PCDHGA9: variants seen among roughly 807,000 people sequenced by gnomAD.
The protein encoded by PCDHGA9 is protocadherin gamma subfamily A, 9, also known as protocadherin gamma-A9.
Under a neutral mutation model 62.5 loss-of-function variants are expected in PCDHGA9, and 37 were observed. The ratio of observed to expected loss-of-function variants is 0.59; its 90% CI spans 0.46 to 0.78. The LOEUF is 0.78. Ranked by LOEUF, PCDHGA9 falls within the 30% of genes least tolerant of loss-of-function variation. PCDHGA9 has a pLI of 0.00. For missense variants in PCDHGA9, 1,138 were observed against 1,166.2 expected, an observed-to-expected ratio of 0.98 and a Z score of 0.35; for synonymous variants, 459 against 484.6, an observed-to-expected ratio of 0.95 and a Z score of 0.69.
At position 141,449,274 on chromosome 5, in the gene PCDHGA9, T is replaced by C. The variant is rs569352843; in HGVS notation, c.2424+43898T>C. 3.9e-5 allele frequency among the ~76,000 whole-genome samples: 6 copies of C among 152,260 alleles called. No individual in the cohort carries two copies. In the East Asian group the frequency reaches 1.2e-3, roughly 29 times the overall value. On this transcript the variant is annotated intron_variant, in intron 1 of 3. Transcript: ENST00000573521. ...GAATTGTACAAAGAACTGTATCTCC[T>C]TCACCCGGATGCACCGGGTGAATTA...
In PCDHGA9 at chr5:141,431,777, G is replaced by C. The variant is rs151011884; in HGVS notation, c.2424+26401G>C. 1.2e-6 allele frequency: 2 copies of C among 1,614,188 alleles called. No individual in the cohort carries two copies. The highest frequency in any genetic ancestry group is 4.5e-5 in the East Asian group (2 of 44,870). ...CAAAGTCCTGATCACTGTTCTGGAC[G>C]TGAACGACAATGCCCCAGAAGTGGT... On this transcript the variant is annotated intron_variant, in intron 1 of 3. Coordinates refer to ENST00000573521, the MANE Select transcript of PCDHGA9 (RefSeq NM_018921.3). The surrounding 1 kb of genome is among the most constrained non-coding windows in gnomAD (Gnocchi z 4.8).
At chr5:141,418,802 T>G (rs775155011) in intron 1 of PCDHGA9, 1 of 1,613,862 alleles carries the variant, frequency 6.2e-7, no homozygotes, top group Non-Finnish European at 8.5e-7. Flanking sequence ...AGTAGAAAGA[T>G]ATACGATAAA....
intron 2 of PCDHGA9, among the ~76,000 whole-genome samples, chr5:141,496,775 GCAGGGCC>G (rs1025427712): frequency 6.6e-6 from 1 of 152,038 alleles, no homozygotes; most frequent in Non-Finnish European, 1.5e-5. Flanking sequence ...TCTACTATGA[GCAGGGCC>G]CTGTGCTAAA....
chr5:141,486,287 A>G lies in PCDHGA9; in HGVS notation c.2425-8520A>G, dbSNP rs1484787777. Reference sequence around the variant, plus strand: ...AGAACCTGGCACTGTGGTGGCACTTATCAGTGTGCAGGATCCAGACTCAGG... The same window carrying G: ...AGAACCTGGCACTGTGGTGGCACTTGTCAGTGTGCAGGATCCAGACTCAGG... On this transcript the variant is annotated intron_variant, in intron 1 of 3. Transcript: ENST00000573521. The surrounding 1 kb of genome is among the most constrained non-coding windows in gnomAD (Gnocchi z 5.0). 1 of 1,613,912 alleles carries G rather than the reference A, an allele frequency of 6.2e-7. No homozygotes were observed. The highest frequency in any genetic ancestry group is 8.5e-7 in the Non-Finnish European group (1 of 1,179,970).
At chr5:141,436,849 T>C (rs1007573014) in intron 1 of PCDHGA9, among the ~76,000 whole-genome samples, 11 of 152,256 alleles carry the variant, frequency 7.2e-5, no homozygotes, top group African/African-American at 2.7e-4. Context: ...ACATTCTTGA[T>C]TGAGAAGCCA....
chr5:141,497,495 T>C (rs193075970), intron 2 of PCDHGA9, among the ~76,000 whole-genome samples: 28 of 151,186 alleles, frequency 1.9e-4, no homozygotes, highest in Admixed American at 1.7e-3. Context: ...TCTCTCTCTC[T>C]CCTCTCTCTG....
At chr5:141,431,000 A>G (rs1272572092) in intron 1 of PCDHGA9, 4 of 1,613,898 alleles carry the variant, frequency 2.5e-6, no homozygotes, top group African/African-American at 1.3e-5. Flanking sequence ...GAATCCGCGC[A>G]GCGGCAGCTT....
At chr5:141,420,713 G>T (rs1406572601) in intron 1 of PCDHGA9, among the ~76,000 whole-genome samples, 1 of 152,078 alleles carries the variant, frequency 6.6e-6, no homozygotes, top group African/African-American at 2.4e-5. Flanking sequence ...CAGAAATGTC[G>T]TTCCTTTCAG....
intron 1 of PCDHGA9, among the ~76,000 whole-genome samples, chr5:141,445,441 C>G (rs1201825256): frequency 6.6e-6 from 1 of 152,152 alleles, no homozygotes; most frequent in East Asian, 1.9e-4. Context: ...GACCTATGGA[C>G]TAAGGATGCA....
Position 141,477,426 on chromosome 5 carries a change from T to G in PCDHGA9, c.2425-17381T>G. 1 of 1,614,100 alleles carries G rather than the reference T, an allele frequency of 6.2e-7. No individual in the cohort carries two copies. Among genetic ancestry groups the G allele is most frequent in the East Asian group, 2.2e-5 (1 of 44,874 alleles). The stretch of plus-strand genomic sequence containing the variant: ...GCCCGAGACGCCGGAACCCCTTCCC[T>G]CTCAGCCCTTACAATAGTGCGTGTT... On this transcript the variant is annotated intron_variant, in intron 1 of 3. Coordinates refer to ENST00000573521, the MANE Select transcript of PCDHGA9 (RefSeq NM_018921.3). The surrounding 1 kb of genome is among the most constrained non-coding windows in gnomAD (Gnocchi z 4.9).
Position 141,489,805 on chromosome 5 carries a change from A to T in PCDHGA9, c.2425-5002A>T. On this transcript the variant is annotated intron_variant, in intron 1 of 3. Transcript: ENST00000573521. The surrounding 1 kb of genome is among the most constrained non-coding windows in gnomAD (Gnocchi z 4.5). ...GAATGTGAAGACCCTAAAAGATGGG[A>T]AGCCATTCCCAGAGCTGGTGCTAGA... 1 of 1,614,166 alleles carries T rather than the reference A, an allele frequency of 6.2e-7. No individual in the cohort carries two copies. Among genetic ancestry groups the T allele is most frequent in the Non-Finnish European group, 8.5e-7 (1 of 1,180,012 alleles).
chr5:141,432,615 T>G lies in PCDHGA9; in HGVS notation c.2424+27239T>G. ...GCCAGCGAGCCGGGACTCTTCTCGG[T>G]GGGTCTGCACACGGGCGAGGTGCGC... On this transcript the variant is annotated intron_variant, in intron 1 of 3. Coordinates refer to ENST00000573521, the MANE Select transcript of PCDHGA9 (RefSeq NM_018921.3). The surrounding 1 kb of genome is among the most constrained non-coding windows in gnomAD (Gnocchi z 6.0). The G allele has an allele frequency of 2.5e-6, 4 of 1,613,820 alleles. No homozygotes were observed. The highest frequency in any genetic ancestry group is 1.1e-5 in the South Asian group (1 of 91,054).
rs2154532733 is a variant in PCDHGA9, at chr5:141,403,281, T to C, written c.329T>C (p.Val110Ala). Reference protein sequence around the residue: ...PRCLVNFKVLVEDRVKLYGIE... With the variant: ...PRCLVNFKVLAEDRVKLYGIE... ...TGTCTGGTGAACTTTAAAGTCCTGGTTGAAGACAGAGTGAAACTGTACGGA... is the reference window on the plus strand; with the variant it reads ...TGTCTGGTGAACTTTAAAGTCCTGGCTGAAGACAGAGTGAAACTGTACGGA... Residue 110 changes from valine (V) to alanine (A), a missense_variant, in exon 1 of 4, where the codon GTT becomes GCT. By Grantham distance (64) the Val-to-Ala change is moderately conservative. Transcript: ENST00000573521. The C allele has an allele frequency of 2.5e-6, 4 of 1,613,908 alleles. No individual in the cohort carries two copies. Among genetic ancestry groups the C allele is most frequent in the African/African-American group, 1.3e-5 (1 of 75,080 alleles).
At chr5:141,423,495 C>T in intron 1 of PCDHGA9, 1 of 1,613,946 alleles carries the variant, frequency 6.2e-7, no homozygotes, top group African/African-American at 1.3e-5. Context: ...CCTATTCCCA[C>T]GAGGTCTCTC....
Position 141,403,365 on chromosome 5 carries a change from T to C in PCDHGA9, c.413T>C (p.Leu138Pro). The stretch of plus-strand genomic sequence containing the variant: ...GCCCCAAAGTTCCAGGCCGAAAGTC[T>C]GGAAGTAAAAATTAACGAAATCGCG... Reference protein sequence around the residue: ...DSAPKFQAESLEVKINEIAVP... With the variant: ...DSAPKFQAESPEVKINEIAVP... Residue 138 changes from leucine (L) to proline (P), a missense_variant, in exon 1 of 4, where the codon CTG (leucine) becomes CCG (proline). Coordinates refer to ENST00000573521, the MANE Select transcript of PCDHGA9 (RefSeq NM_018921.3). 6.2e-7 allele frequency: 1 copy of C among 1,614,024 alleles called. No individual in the cohort carries two copies. Among genetic ancestry groups the C allele is most frequent in the Non-Finnish European group, 8.5e-7 (1 of 1,179,902 alleles).
intron 1 of PCDHGA9, among the ~76,000 whole-genome samples, chr5:141,462,559 T>G (rs1035231534): frequency 6.6e-6 from 1 of 152,248 alleles, no homozygotes; most frequent in African/African-American, 2.4e-5. Flanking sequence ...CAGTGTTTAC[T>G]GTATTTGCTA....
Position 141,494,824 on chromosome 5 carries a change from G to A in PCDHGA9, c.2442G>A (p.Thr814=), listed in dbSNP as rs1423741889. The A allele has an allele frequency of 1.8e-5, 29 of 1,613,924 alleles. No homozygotes were observed. Among genetic ancestry groups the A allele is most frequent in the Non-Finnish European group, 2.4e-5 (28 of 1,180,032 alleles). Residue 814 remains threonine (T), a synonymous_variant, in exon 2 of 4, where the codon ACG becomes ACA. Transcript: ENST00000573521. The part of the protein sequence containing the change: ...TPLVPQAPPN[T]DWRFSQAQRP... ...CTCCACAGCAAGCCCCGCCCAACAC[G>A]GACTGGCGTTTCTCTCAGGCCCAGA...
intron 1 of PCDHGA9, chr5:141,423,463 G>C (rs772779471): frequency 1.2e-6 from 2 of 1,613,874 alleles, no homozygotes; most frequent in South Asian, 2.2e-5. Context: ...AGGCGTGGAC[G>C]GGGTACAGGC....
rs554119295 is a variant in PCDHGA9 at position 141,482,963 on chromosome 5, C to T, written c.2425-11844C>T. 1.7e-4 allele frequency among the ~76,000 whole-genome samples: 10 copies of T among 57,958 alleles called. No homozygotes were observed. In the South Asian group the frequency reaches 4.5e-3, roughly 26 times the overall value. 38.0% of individuals were successfully genotyped at this position (57,958 alleles called of 152,430 possible). On this transcript the variant is annotated intron_variant, in intron 1 of 3. Coordinates refer to ENST00000573521, the MANE Select transcript of PCDHGA9 (RefSeq NM_018921.3). The stretch of plus-strand genomic sequence containing the variant: ...TTGTGGGTGCCTGTAATTCCAGCTA[C>T]TTGAGCAGCTACTTGAGAGGTCGAG...
Sources: allele counts gnomAD v4.1 joint callset (sites outside exome capture counted in the v4.1 genomes callset), GRCh38; gene constraint gnomAD v4.1.1; non-coding constraint Gnocchi (gnomAD v3.1); transcripts MANE v1.5; gene names NCBI Gene and HGNC (gene_info 2026-07-23, HGNC 2026-07-21).